The following MSI2 variants were observed in gnomAD, a reference collection of about 807,000 sequenced individuals.
MSI2 encodes the protein RNA-binding protein Musashi homolog 2.
In MSI2, 17 loss-of-function variants were observed where a neutral mutation model predicts 45.6. That is an observed-to-expected ratio of 0.37 (90% CI 0.26 to 0.56). MSI2 has a LOEUF of 0.56. Ranked by LOEUF, MSI2 falls within the 20% of genes least tolerant of loss-of-function variation. The pLI is 0.77. For missense variants in MSI2, 293 were observed against 444.2 expected (o/e 0.66, Z 3.06); for synonymous variants, 156 against 158.2 (o/e 0.99, Z 0.11).
chr17:57,302,529 G>T (rs536378810), intron 5 of MSI2, among the ~76,000 whole-genome samples: 8 of 152,260 alleles, frequency 5.3e-5, no homozygotes, highest in Admixed American at 4.6e-4. Flanking sequence ...TATTTTTTAG[G>T]GAAAGGAATC....
intron 7 of MSI2, among the ~76,000 whole-genome samples, chr17:57,558,680 G>T (rs28593585): frequency 2.6e-5 from 4 of 152,066 alleles, no homozygotes; most frequent in Admixed American, 2.6e-4. Flanking sequence ...AGAGCAAAGA[G>T]AGGCTTGCTG....
intron 11 of MSI2, among the ~76,000 whole-genome samples, chr17:57,663,036 T>C (rs763785665): frequency 4.6e-5 from 7 of 152,178 alleles, no homozygotes; most frequent in African/African-American, 7.2e-5. Flanking sequence ...ACGTCCTCTG[T>C]AGGGATGAGT....
intron 10 of MSI2, chr17:57,631,593 G>A (rs56787642): frequency 3.9e-5 from 22 of 568,630 alleles, no homozygotes; most frequent in African/African-American, 3.8e-4. Context: ...GAAAGGCTGG[G>A]TGGTGACCAA....
intron 7 of MSI2, among the ~76,000 whole-genome samples, chr17:57,549,312 CT>C (rs33917812): frequency 0.065 from 8,052 of 124,202 alleles, 193 homozygotes; most frequent in African/African-American, 0.084. Context: ...CCCCACTGCC[CT>C]TTTTTTTTTT....
At chr17:57,587,390 CAGTTG>C (rs1048993620) in intron 7 of MSI2, among the ~76,000 whole-genome samples, 8 of 152,222 alleles carry the variant, frequency 5.3e-5, no homozygotes, top group Non-Finnish European at 7.3e-5. Flanking sequence ...AGCACCTTTC[CAGTTG>C]AGAAATTGGC....
At chr17:57,416,915 G>C (rs9913460) in intron 6 of MSI2, among the ~76,000 whole-genome samples, 5,670 of 152,272 alleles carry the variant, frequency 0.037, 339 homozygotes, top group African/African-American at 0.13. Flanking sequence ...CCCAAGCTAG[G>C]TATTAAGCAC....
chr17:57,401,597 A>G (rs760368669), intron 6 of MSI2, 126 bp downstream of exon 6: 6 of 698,018 alleles, frequency 8.6e-6, no homozygotes, highest in Non-Finnish European at 1.5e-5. Flanking sequence ...GAACCTGGCC[A>G]TCATGATTTA....
chr17:57,433,337 C>G (rs1251973786), intron 6 of MSI2, among the ~76,000 whole-genome samples: 1 of 152,130 alleles, frequency 6.6e-6, no homozygotes, highest in African/African-American at 2.4e-5. Context: ...AATGCAGTGA[C>G]TGGTATCCTT....
chr17:57,665,791 G>T (rs575085651), intron 11 of MSI2, among the ~76,000 whole-genome samples: 19 of 152,296 alleles, frequency 1.2e-4, no homozygotes, highest in African/African-American at 4.1e-4. Flanking sequence ...TTCCTGGGGT[G>T]GGGGAGGGGA....
intron 7 of MSI2, among the ~76,000 whole-genome samples, chr17:57,530,338 G>A (rs544883400): frequency 6.6e-6 from 1 of 152,300 alleles, no homozygotes; most frequent in South Asian, 2.1e-4. Flanking sequence ...AATGTCATAT[G>A]TTTATACTTT....
intron 5 of MSI2, among the ~76,000 whole-genome samples, chr17:57,327,755 G>A (rs913458610): frequency 1.3e-5 from 2 of 152,196 alleles, no homozygotes; most frequent in Admixed American, 6.5e-5. Context: ...GGCTGATGGT[G>A]TTGTGCTAGG....
At chr17:57,321,484 G>A (rs1368336053) in intron 5 of MSI2, among the ~76,000 whole-genome samples, 5 of 152,152 alleles carry the variant, frequency 3.3e-5, no homozygotes, top group African/African-American at 1.2e-4. Flanking sequence ...AATAGTTATG[G>A]AAATGCCTCG....
intron 5 of MSI2, among the ~76,000 whole-genome samples, chr17:57,348,512 A>G (rs1915785148): frequency 6.6e-6 from 1 of 152,134 alleles, no homozygotes; most frequent in African/African-American, 2.4e-5. Flanking sequence ...GTCATAAGTA[A>G]GTTCTCACTC....
At chr17:57,437,230 G>A (rs141766789) in intron 6 of MSI2, among the ~76,000 whole-genome samples, 7 of 152,158 alleles carry the variant, frequency 4.6e-5, no homozygotes, top group East Asian at 1.9e-4. Flanking sequence ...TCATTTCTTC[G>A]TCTATTTTTA....
At chr17:57,691,349 G>A in the MSI2 span, among the ~76,000 whole-genome samples, 2 of 151,980 alleles carry the variant, frequency 1.3e-5, no homozygotes, top group African/African-American at 4.8e-5. Context: ...GGCTACTCTA[G>A]TTCATTTGTT....
At chr17:57,654,139 C>T (rs987403165) in intron 11 of MSI2, among the ~76,000 whole-genome samples, 22 of 152,192 alleles carry the variant, frequency 1.4e-4, no homozygotes, top group African/African-American at 5.1e-4. Flanking sequence ...AGGTGCCCGC[C>T]CCGCCCCACA....
At chr17:57,366,666 G>A (rs980297132) in intron 5 of MSI2, among the ~76,000 whole-genome samples, 21 of 152,226 alleles carry the variant, frequency 1.4e-4, no homozygotes, top group African/African-American at 5.1e-4. Context: ...CGAAGAGGTG[G>A]GGACAGCCAA....
chr17:57,257,012 C>T (rs375033911), intron 1 of MSI2, 86 bp from the exon 2 acceptor site: 37 of 1,603,750 alleles, frequency 2.3e-5, no homozygotes, highest in South Asian at 4.4e-5. Context: ...CGCTCCCCCC[C>T]GCTTTCCTTT....
At chr17:57,645,342 G>A (rs189132228) in intron 10 of MSI2, among the ~76,000 whole-genome samples, 34 of 152,342 alleles carry the variant, frequency 2.2e-4, no homozygotes, top group Admixed American at 4.6e-4. Flanking sequence ...CAAAGTGGAG[G>A]GGCTGGCAGA....
Sources: gnomAD v4.1 joint callset for allele counts (sites outside exome capture counted in the v4.1 genomes callset) on GRCh38, gnomAD v4.1.1 for gene constraint, MANE v1.5 for transcripts, NCBI Gene and HGNC (gene_info 2026-07-23, HGNC 2026-07-21) for gene names.